SHANK2: variants seen among roughly 807,000 people sequenced by gnomAD.
The protein encoded by SHANK2 is SH3 and multiple ankyrin repeat domains 2, also known as SH3 and multiple ankyrin repeat domains protein 2.
Under a neutral mutation model 133.7 loss-of-function variants are expected in SHANK2, and 43 were observed. The ratio of observed to expected loss-of-function variants is 0.32; its 90% CI spans 0.25 to 0.41. SHANK2 has a LOEUF of 0.41. Ranked by LOEUF, SHANK2 falls within the 10% of genes least tolerant of loss-of-function variation. The pLI, the probability that SHANK2 is intolerant of heterozygous loss-of-function variation, is 1.00. For missense variants in SHANK2, 1,994 were observed against 2,235.8 expected (o/e 0.89, Z 2.18); for synonymous variants, 1,017 against 952.8 (o/e 1.07, Z -1.24).
intron 14 of SHANK2, among the ~76,000 whole-genome samples, chr11:70,798,011 A>G (rs1022754017): frequency 5.3e-5 from 8 of 152,208 alleles, no homozygotes; most frequent in African/African-American, 1.7e-4. Flanking sequence ...CCGTCGGAAC[A>G]CTGAACTCTT....
chr11:71,084,039 A>C (rs1258582437), intron 8 of SHANK2, among the ~76,000 whole-genome samples: 1 of 151,304 alleles, frequency 6.6e-6, no homozygotes, highest in Non-Finnish European at 1.5e-5. Context: ...GCGCAGTCTC[A>C]GCTCGCTGCA....
At chr11:70,658,208 AACACACAC>A (rs782131753) in intron 17 of SHANK2, among the ~76,000 whole-genome samples, 1,103 of 97,542 alleles carry the variant, frequency 0.011, 8 homozygotes, top group Middle Eastern at 0.018. Context: ...ACGCCCCCCC[AACACACAC>A]ACACACACAC....
intron 8 of SHANK2, among the ~76,000 whole-genome samples, chr11:71,077,160 T>C (rs1327517926): frequency 2.6e-5 from 4 of 152,212 alleles, no homozygotes; most frequent in African/African-American, 9.6e-5. Flanking sequence ...TTGGGATTTG[T>C]GTTCCTTGAA....
At chr11:71,172,049 G>A (rs1555112296) in intron 2 of SHANK2, among the ~76,000 whole-genome samples, 3 of 152,162 alleles carry the variant, frequency 2.0e-5, no homozygotes, top group Non-Finnish European at 4.4e-5. Context: ...CCCCATGGCT[G>A]CCCAAGGGTT....
At chr11:70,502,375 G>T in intron 18 of SHANK2, 89 bp from the exon 19 acceptor site, 1 of 1,280,936 alleles carries the variant, frequency 7.8e-7, no homozygotes, top group Non-Finnish European at 1.1e-6. Flanking sequence ...TGGCTGGCAG[G>T]TGGGTCTCAG....
intron 1 of SHANK2, among the ~76,000 whole-genome samples, chr11:71,248,812 C>T (rs1173245680): frequency 2.6e-5 from 4 of 152,124 alleles, no homozygotes; most frequent in Non-Finnish European, 5.9e-5. Context: ...CCCACCCCAC[C>T]CCACGCTGGG....
At chr11:70,803,369 T>TCCAC (rs1948095066) in intron 13 of SHANK2, among the ~76,000 whole-genome samples, 1 of 149,878 alleles carries the variant, frequency 6.7e-6, no homozygotes, top group African/African-American at 2.5e-5. Flanking sequence ...CATCCATCCA[T>TCCAC]CCACCCACCC....
chr11:71,170,429 TAACAG>T (rs1348913013), intron 2 of SHANK2, among the ~76,000 whole-genome samples: 1 of 152,224 alleles, frequency 6.6e-6, no homozygotes, highest in Non-Finnish European at 1.5e-5. Context: ...CCTAAGTGTG[TAACAG>T]AACAATTAAA....
chr11:70,814,431 G>C (rs1260187355), intron 12 of SHANK2, among the ~76,000 whole-genome samples: 3 of 152,114 alleles, frequency 2.0e-5, no homozygotes, highest in Non-Finnish European at 2.9e-5. Flanking sequence ...AGGTCAGGAT[G>C]ATGGGGCACA....
At chr11:71,076,414 T>G (rs1035785262) in intron 8 of SHANK2, among the ~76,000 whole-genome samples, 1 of 150,932 alleles carries the variant, frequency 6.6e-6, no homozygotes, top group Non-Finnish European at 1.5e-5. Context: ...GAGAAAGAGC[T>G]ACACCTCAGC....
intron 14 of SHANK2, among the ~76,000 whole-genome samples, chr11:70,788,314 A>C (rs1177293208): frequency 2.0e-5 from 3 of 152,224 alleles, no homozygotes; most frequent in African/African-American, 7.2e-5. Flanking sequence ...CCCTTTATCC[A>C]TGGTTTCACT....
chr11:70,599,941 A>AAGAG (rs2060467401), intron 17 of SHANK2, among the ~76,000 whole-genome samples: 1 of 129,086 alleles, frequency 7.7e-6, no homozygotes, highest in Admixed American at 7.3e-5. Flanking sequence ...GAAAGAAAGA[A>AAGAG]AGAAAGAAAG....
At chr11:71,112,839 T>C (rs1440718535) in intron 5 of SHANK2, among the ~76,000 whole-genome samples, 4 of 146,306 alleles carry the variant, frequency 2.7e-5, no homozygotes, top group Non-Finnish European at 6.1e-5. Context: ...CGCCAGGTTC[T>C]GAACACTCTG....
chr11:71,071,941 C>T (rs1318065223), intron 9 of SHANK2, among the ~76,000 whole-genome samples: 1 of 152,180 alleles, frequency 6.6e-6, no homozygotes, highest in Non-Finnish European at 1.5e-5. Flanking sequence ...TGAGATCTCC[C>T]TCTGTTCCTC....
chr11:70,510,542 C>A (rs545475058), intron 17 of SHANK2, among the ~76,000 whole-genome samples: 1 of 152,322 alleles, frequency 6.6e-6, no homozygotes, highest in East Asian at 1.9e-4. Flanking sequence ...GCGCCACCAC[C>A]CCCAAGTTTC....
chr11:71,082,416 G>A (rs1951312931), intron 8 of SHANK2, among the ~76,000 whole-genome samples: 1 of 152,218 alleles, frequency 6.6e-6, no homozygotes, highest in African/African-American at 2.4e-5. Flanking sequence ...TGGACACGGT[G>A]GGTACCACAG....
intron 17 of SHANK2, among the ~76,000 whole-genome samples, chr11:70,572,834 C>T (rs1225928037): frequency 2.6e-5 from 4 of 152,160 alleles, no homozygotes; most frequent in African/African-American, 9.7e-5. Flanking sequence ...TTTGGAAGAC[C>T]GCTTGGCCGT....
chr11:70,762,684 C>A (rs1028909384), intron 14 of SHANK2, among the ~76,000 whole-genome samples: 1 of 152,296 alleles, frequency 6.6e-6, no homozygotes, highest in Non-Finnish European at 1.5e-5. Context: ...TCAGTATGAG[C>A]CATCTGGATG....
intron 2 of SHANK2, 122 bp from the exon 3 acceptor site, chr11:71,147,460 GGTGT>G: frequency 2.8e-6 from 2 of 703,270 alleles, no homozygotes; most frequent in Admixed American, 7.3e-5. Context: ...TGTGTTTGTT[GGTGT>G]GACCACCAGC....
Sources: allele counts gnomAD v4.1 joint callset (sites outside exome capture counted in the v4.1 genomes callset), GRCh38; gene constraint gnomAD v4.1.1; transcripts MANE v1.5; gene names NCBI Gene and HGNC (gene_info 2026-07-23, HGNC 2026-07-21).